The following SRPX variants were observed in gnomAD, a reference collection of about 807,000 sequenced individuals.
SRPX encodes sushi repeat containing protein X-linked.
In SRPX, 24 loss-of-function variants were observed where a neutral mutation model predicts 38.1. The ratio of observed to expected loss-of-function variants is 0.63; its 90% CI spans 0.46 to 0.89. SRPX has a LOEUF of 0.89. SRPX is among the 40% of genes least tolerant of loss of function. SRPX has a pLI of 0.00. For missense variants in SRPX, 416 were observed against 377.8 expected, an observed-to-expected ratio of 1.10 and a Z score of -0.84; for synonymous variants, 184 against 153.8, an observed-to-expected ratio of 1.20 and a Z score of -1.45.
chrX:38,193,437 G>T (rs907616059), intron 1 of SRPX, among the ~76,000 whole-genome samples: 1 of 111,512 alleles, frequency 9.0e-6, no homozygotes, highest in Non-Finnish European at 1.9e-5. Flanking sequence ...GTTAAGACAG[G>T]GCATTTTTAG....
At chrX:38,185,898 AGG>A (rs1338968723) in intron 1 of SRPX, among the ~76,000 whole-genome samples, 2 of 82,000 alleles carry the variant, frequency 2.4e-5, no homozygotes, top group African/African-American at 8.9e-5. Flanking sequence ...AAAAAAAAAA[AGG>A]GGGGGGGGAG....
intron 2 of SRPX, among the ~76,000 whole-genome samples, chrX:38,177,958 G>A (rs1265787031): frequency 8.9e-6 from 1 of 111,932 alleles, no homozygotes; most frequent in Non-Finnish European, 1.9e-5. Context: ...TACTCTGGAT[G>A]ATTCTGGCTG....
At chrX:38,152,435 C>A (rs1938034174) in intron 9 of SRPX, among the ~76,000 whole-genome samples, 2 of 112,251 alleles carry the variant, frequency 1.8e-5, no homozygotes, top group East Asian at 5.6e-4. Flanking sequence ...CAGTGGTCCT[C>A]ACCATGTGGT....
intron 1 of SRPX, among the ~76,000 whole-genome samples, chrX:38,180,738 T>C (rs1384283001): frequency 8.9e-6 from 1 of 112,377 alleles, no homozygotes; most frequent in Non-Finnish European, 1.9e-5. Flanking sequence ...AGGAATTAAC[T>C]TAAATATCCA....
intron 2 of SRPX, among the ~76,000 whole-genome samples, 176 bp from the exon 3 acceptor site, chrX:38,174,527 T>C (rs113071128): frequency 0.021 from 2,391 of 111,669 alleles, 74 homozygotes; most frequent in African/African-American, 0.074. Flanking sequence ...GGACTAAGTG[T>C]CAGATATATC....
Position 38,149,572 on chromosome X carries a change from G to C in SRPX, c.*139C>G, listed in dbSNP as rs770008324. ...CAAAAAGCAGCATGCTAATTTTTAA[G>C]TGCAAAGAAAGCTCATAATAAAATA... On this transcript the variant is annotated 3_prime_UTR_variant, in exon 10 of 10. Coordinates refer to ENST00000378533, the MANE Select transcript of SRPX (RefSeq NM_006307.5). 3.1e-5 allele frequency: 19 copies of C among 618,470 alleles called. No homozygotes were observed. The highest frequency in any genetic ancestry group is 4.1e-5 in the Non-Finnish European group (18 of 435,141). 51.0% of individuals were successfully genotyped at this position (618,470 alleles called of 1,213,427 possible). A position where few individuals can be genotyped will look rare whatever the true frequency, so the allele number is the denominator to read the frequency against.
chrX:38,175,804 A>G (rs1395125811), intron 2 of SRPX, among the ~76,000 whole-genome samples: 1 of 112,313 alleles, frequency 8.9e-6, no homozygotes, highest in Admixed American at 9.4e-5. Context: ...CTTAACCTAG[A>G]GCTGATTAAA....
intron 4 of SRPX, among the ~76,000 whole-genome samples, chrX:38,165,925 T>C (rs1938358012): frequency 8.9e-6 from 1 of 111,993 alleles, no homozygotes; most frequent in African/African-American, 3.2e-5. Context: ...GGGTGGTTAA[T>C]GAGGGCTCAA....
rs768021396 is a variant in SRPX, at chrX:38,149,758, C to T, written c.1348G>A (p.Glu450Lys). 6.6e-6 allele frequency: 8 copies of T among 1,209,703 alleles called. No individual in the cohort carries two copies. In the African/African-American group the frequency reaches 8.8e-5, roughly 13 times the overall value. ...NLIDTFPLRK[E>K]EMVLQAEMSQ... The stretch of plus-strand genomic sequence containing the variant: ...ATTTCGGCTTGTAGGACCATCTCTT[C>T]TTTTCTCAAGGGAAAAGTGTCAATC... Residue 450 changes from glutamate to lysine, a missense_variant, in exon 10 of 10, where the codon GAA becomes AAA. Coordinates refer to ENST00000378533, the MANE Select transcript of SRPX (RefSeq NM_006307.5).
At chrX:38,151,193 GA>G (rs1938004698) in intron 9 of SRPX, among the ~76,000 whole-genome samples, 1 of 112,403 alleles carries the variant, frequency 8.9e-6, no homozygotes, top group Non-Finnish European at 1.9e-5. Flanking sequence ...ATGAAATAAA[GA>G]GGACATGACA....
chrX:38,210,180 C>T (rs1337909559), intron 1 of SRPX, among the ~76,000 whole-genome samples: 2 of 112,080 alleles, frequency 1.8e-5, no homozygotes, highest in Non-Finnish European at 3.8e-5. Flanking sequence ...CCCACATACC[C>T]AGCTTGTGAT....
At chrX:38,151,139 C>T (rs1209584073) in intron 9 of SRPX, among the ~76,000 whole-genome samples, 1 of 112,039 alleles carries the variant, frequency 8.9e-6, no homozygotes, top group African/African-American at 3.2e-5. Context: ...TGTATTTTAT[C>T]CCAGTGGGGA....
chrX:38,198,567 G>A (rs1939041058), intron 1 of SRPX, among the ~76,000 whole-genome samples: 1 of 111,994 alleles, frequency 8.9e-6, no homozygotes, highest in Non-Finnish European at 1.9e-5. Context: ...GCACCCTGGG[G>A]TGGGGGCTAA....
intron 1 of SRPX, among the ~76,000 whole-genome samples, chrX:38,188,155 C>G (rs1411351816): frequency 3.6e-5 from 4 of 111,450 alleles, no homozygotes; most frequent in South Asian, 3.8e-4. Context: ...GGGAAATACA[C>G]AGAGGAAGAT....
intron 1 of SRPX, among the ~76,000 whole-genome samples, chrX:38,199,782 C>T (rs1939076420): frequency 9.1e-6 from 1 of 109,883 alleles, no homozygotes; most frequent in African/African-American, 3.3e-5. Context: ...TCTCGTATAC[C>T]AGATTTGGAT....
At chrX:38,200,139 A>C (rs1238067453) in intron 1 of SRPX, among the ~76,000 whole-genome samples, 2 of 111,970 alleles carry the variant, frequency 1.8e-5, no homozygotes, top group African/African-American at 6.5e-5. Context: ...CTTTCATGTG[A>C]CTTGTGTGGC....
At chrX:38,186,815 G>T (rs191684246) in intron 1 of SRPX, among the ~76,000 whole-genome samples, 52 of 112,028 alleles carry the variant, frequency 4.6e-4, no homozygotes, top group African/African-American at 1.6e-3. Context: ...CAGACTTCTA[G>T]CCCCCAAAGG....
chrX:38,190,537 C>T (rs188058483), intron 1 of SRPX, among the ~76,000 whole-genome samples: 1,507 of 111,794 alleles, frequency 0.013, 35 homozygotes, highest in African/African-American at 0.047. Flanking sequence ...TAGCTTCTCT[C>T]TTGAAAGCAC....
intron 3 of SRPX, among the ~76,000 whole-genome samples, chrX:38,173,815 C>T (rs1293435669): frequency 8.9e-6 from 1 of 111,886 alleles, no homozygotes; most frequent in African/African-American, 3.3e-5. Context: ...TACTTATCTC[C>T]CAGTTGACAC....
Sources: gnomAD v4.1 joint callset for allele counts (sites outside exome capture counted in the v4.1 genomes callset) on GRCh38, gnomAD v4.1.1 for gene constraint, MANE v1.5 for transcripts, NCBI Gene and HGNC (gene_info 2026-07-23, HGNC 2026-07-21) for gene names.